The following TULP4 variants were observed in gnomAD, a reference collection of about 807,000 sequenced individuals.
TULP4 encodes the protein TUB like protein 4.
Under a neutral mutation model 129.0 loss-of-function variants are expected in TULP4, and 16 were observed. That is an observed-to-expected ratio of 0.12 (90% confidence interval 0.08 to 0.19). The LOEUF is 0.19. Ranked by LOEUF, TULP4 falls within the 10% of genes least tolerant of loss-of-function variation. TULP4 has a pLI of 1.00. For synonymous variants in TULP4, 998 were observed against 854.0 expected (o/e 1.17, Z -2.94); for missense variants, 1,842 against 2,059.1 (o/e 0.89, Z 2.04).
chr6:158,482,472 A>G (rs1779970192), intron 8 of TULP4, among the ~76,000 whole-genome samples: 1 of 152,248 alleles, frequency 6.6e-6, no homozygotes, highest in South Asian at 2.1e-4. Context: ...GAACAAAGAA[A>G]GCAACTAGCA....
At chr6:158,365,621 T>C (rs547216489) in intron 1 of TULP4, among the ~76,000 whole-genome samples, 26 of 151,150 alleles carry the variant, frequency 1.7e-4, no homozygotes, top group East Asian at 7.9e-4. Flanking sequence ...GGACTACAGG[T>C]GCCCGCCACC....
chr6:158,284,846 G>C (rs1778809845), intron 1 of TULP4, among the ~76,000 whole-genome samples: 1 of 152,190 alleles, frequency 6.6e-6, no homozygotes, highest in African/African-American at 2.4e-5. Flanking sequence ...TGCCCGAGGT[G>C]TGAGCCTCGG....
chr6:158,372,122 A>AG lies in TULP4; in HGVS notation c.253-40942dup, dbSNP rs1777083455. Among the ~76,000 whole-genome samples the AG allele has an allele frequency of 3.3e-4, 10 of 30,316 alleles. No homozygotes were observed. In the South Asian group the frequency reaches 0.011, roughly 33 times the overall value. 19.9% of individuals were successfully genotyped at this position (30,316 alleles called of 152,430 possible). A position where few individuals can be genotyped will look rare whatever the true frequency, so the allele number is the denominator to read the frequency against. Reference sequence around the variant, plus strand: ...AAGCCACCATGCCAAGCCATTTTCTAGTTTTTTTTTTTTTTTTTTTAATAC... The same window carrying AG: ...AAGCCACCATGCCAAGCCATTTTCTAGGTTTTTTTTTTTTTTTTTTTAATAC... On this transcript the variant is annotated intron_variant, in intron 1 of 13. Coordinates refer to ENST00000367097, the MANE Select transcript of TULP4 (RefSeq NM_020245.5).
rs775828886 is a variant in TULP4, at chr6:158,502,144, G to A, written c.2481G>A (p.Gln827=). The stretch of plus-strand genomic sequence containing the variant: ...TCTTTAGTGCCCCCCAGGAGGTCCA[G>A]GTGACGAAGATAAACCCTCCACCCC... ...AVVFSAPQEV[Q]VTKINPPPPY... is the part of the protein sequence containing the mutation. The change falls in exon 13 of 14, where the codon CAG becomes CAA. Residue 827 remains glutamine (Q), a synonymous_variant. Transcript: ENST00000367097. The A allele has an allele frequency of 1.9e-6, 3 of 1,602,998 alleles. No homozygotes were observed. Among genetic ancestry groups the A allele is most frequent in the East Asian group, 4.5e-5 (2 of 44,676 alleles).
At chr6:158,366,667 A>T (rs1391092028) in intron 1 of TULP4, among the ~76,000 whole-genome samples, 1 of 152,104 alleles carries the variant, frequency 6.6e-6, no homozygotes, top group Middle Eastern at 3.2e-3. Context: ...TTGTTGTACC[A>T]TGTGTCTTGT....
intron 1 of TULP4, among the ~76,000 whole-genome samples, chr6:158,289,737 T>C (rs559299416): frequency 6.8e-6 from 1 of 147,304 alleles, no homozygotes; most frequent in African/African-American, 2.6e-5. Context: ...TGTGCCACCA[T>C]GCCTGGCTGA....
chr6:158,480,190 C>G (rs1252621466), intron 7 of TULP4, among the ~76,000 whole-genome samples: 1 of 152,262 alleles, frequency 6.6e-6, no homozygotes, highest in Non-Finnish European at 1.5e-5. Flanking sequence ...TTATCTTTCT[C>G]ATGGCAAAGC....
At chr6:158,232,220 AGGC>A (rs544582950), upstream of TULP4, 19 of 143,644 alleles carry the variant, frequency 1.3e-4, no homozygotes, top group Non-Finnish European at 2.4e-4. Flanking sequence ...ACGCGGGGGG[AGGC>A]GGCGGCGGCG....
intron 5 of TULP4, among the ~76,000 whole-genome samples, chr6:158,458,469 G>C (rs1279639899): frequency 1.3e-5 from 2 of 152,210 alleles, no homozygotes; most frequent in Non-Finnish European, 2.9e-5. Context: ...TGAGATTAGA[G>C]ACTCTGGGCC....
At chr6:158,390,846 G>A (rs1269970639) in intron 1 of TULP4, among the ~76,000 whole-genome samples, 2 of 152,212 alleles carry the variant, frequency 1.3e-5, no homozygotes, top group African/African-American at 2.4e-5. Flanking sequence ...GCTCACGCCT[G>A]TAATCCCAAC....
At chr6:158,501,526 G>T (rs1780444647) in intron 12 of TULP4, 152 bp from the exon 13 acceptor site, 7 of 758,598 alleles carry the variant, frequency 9.2e-6, no homozygotes, top group Non-Finnish European at 1.2e-5. Context: ...GTGCGAGCAG[G>T]CCAGCTTTCC....
intron 1 of TULP4, among the ~76,000 whole-genome samples, chr6:158,341,180 C>A (rs1299359900): frequency 6.6e-6 from 1 of 152,096 alleles, no homozygotes; most frequent in Non-Finnish European, 1.5e-5. Context: ...GAGTGAAAAC[C>A]ACACGTCATT....
intron 1 of TULP4, among the ~76,000 whole-genome samples, chr6:158,237,087 G>T (rs958269981): frequency 1.2e-4 from 18 of 151,882 alleles, no homozygotes; most frequent in Admixed American, 9.2e-4. Context: ...GGGATTACAG[G>T]TGTGAGCCAC....
intron 1 of TULP4, among the ~76,000 whole-genome samples, chr6:158,296,933 C>T (rs1217523082): frequency 6.6e-6 from 1 of 152,184 alleles, no homozygotes; most frequent in Non-Finnish European, 1.5e-5. Context: ...TGATAAGGGT[C>T]TGTGTTCAGC....
At position 158,363,049 on chromosome 6, in the gene TULP4, C is replaced by T. The variant is rs144500172; in HGVS notation, c.252+48781C>T. 8.8e-5 allele frequency among the ~76,000 whole-genome samples: 10 copies of T among 113,430 alleles called. No homozygotes were observed. In the East Asian group the frequency reaches 2.6e-3, roughly 29 times the overall value. 74.4% of individuals were successfully genotyped at this position (113,430 alleles called of 152,430 possible). A position where few individuals can be genotyped will look rare whatever the true frequency, so the allele number is the denominator to read the frequency against. On this transcript the variant is annotated intron_variant, in intron 1 of 13. Coordinates refer to ENST00000367097, the MANE Select transcript of TULP4 (RefSeq NM_020245.5). ...TGCACTCTAGCCTGGGGGGACAGAG[C>T]GAGACTCCATCTCAAAAAAAAAAAA... is the stretch of plus-strand genomic sequence containing the variant.
chr6:158,319,663 TGTAA>T lies in TULP4; in HGVS notation c.252+5399_252+5402del, dbSNP rs775420576. Among the ~76,000 whole-genome samples, 239 of 152,376 alleles carry T rather than the reference TGTAA, an allele frequency of 1.6e-3. 2 individuals carry two copies. The highest frequency in any genetic ancestry group is 3.7e-3 in the Admixed American group (56 of 15,306). On this transcript the variant is annotated intron_variant, in intron 1 of 13. Transcript: ENST00000367097. ...AGTATGTAAAATCTGTTTTATATTATGTAAGTATTTAACAAATCTTAACAGTTTT... is the reference window on the plus strand; with the variant it reads ...AGTATGTAAAATCTGTTTTATATTATGTATTTAACAAATCTTAACAGTTTT...
At chr6:158,291,555 T>TG (rs1451119483) in intron 1 of TULP4, among the ~76,000 whole-genome samples, 2 of 152,182 alleles carry the variant, frequency 1.3e-5, no homozygotes, top group Non-Finnish European at 2.9e-5. Context: ...TATATTGTGC[T>TG]GCTTCTTGTG....
chr6:158,319,799 C>T (rs906548884), intron 1 of TULP4, among the ~76,000 whole-genome samples: 1 of 152,100 alleles, frequency 6.6e-6, no homozygotes, highest in African/African-American at 2.4e-5. Flanking sequence ...ATTGTGTATT[C>T]TGTTGTTAGA....
In TULP4 at chr6:158,502,296, ACTACCAGACCCCC is replaced by A. The variant is rs1780469519; in HGVS notation, c.2636_2648del (p.Tyr879TrpfsTer43). The A allele has an allele frequency of 1.2e-6, 2 of 1,606,120 alleles. No individual in the cohort carries two copies. Among genetic ancestry groups the A allele is most frequent in the Non-Finnish European group, 1.7e-6 (2 of 1,177,254 alleles). On this transcript the variant is annotated frameshift_variant, in exon 13 of 14. Transcript: ENST00000367097. LOFTEE classifies it high-confidence loss of function. ...TTCTCCCTCTACCCCACGTCAGTGC[ACTACCAGACCCCC>A]CTGGGCTATGAGAGGATCACCACCT...
Sources: allele counts gnomAD v4.1 joint callset (sites outside exome capture counted in the v4.1 genomes callset), GRCh38; gene constraint gnomAD v4.1.1; transcripts MANE v1.5; gene names NCBI Gene and HGNC (gene_info 2026-07-23, HGNC 2026-07-21).